The following KBTBD11 variants were observed in gnomAD, a reference collection of about 807,000 sequenced individuals.
KBTBD11 encodes the protein kelch repeat and BTB domain-containing protein 11.
For missense variants in KBTBD11, 1,390 were observed against 1,001.8 expected (o/e 1.39, Z -5.23); for synonymous variants, 747 against 499.0 (o/e 1.50, Z -6.63).
chr8:1,984,963 G>A (rs979374372), intron 1 of KBTBD11, among the ~76,000 whole-genome samples: 1 of 152,194 alleles, frequency 6.6e-6, no homozygotes, highest in Non-Finnish European at 1.5e-5. Context: ...GCGATTACAA[G>A]GTCATGTGCT....
intron 1 of KBTBD11, among the ~76,000 whole-genome samples, 188 bp downstream of exon 1, chr8:1,974,123 C>CGGAGGGGAGG (rs1816228913): frequency 4.2e-4 from 1 of 2,398 alleles, no homozygotes; most frequent in Non-Finnish European, 7.5e-4. Flanking sequence ...GGGAGGGGAG[C>CGGAGGGGAGG]GGAGCGGAGG....
chr8:1,991,615 C>G (rs1347359982), intron 1 of KBTBD11, among the ~76,000 whole-genome samples: 1 of 151,400 alleles, frequency 6.6e-6, no homozygotes, highest in East Asian at 1.9e-4. Flanking sequence ...AGGCTTTGCT[C>G]TCCCCACACC....
At position 2,001,860 on chromosome 8, in the gene KBTBD11, C is replaced by G. The variant is rs754629118; in HGVS notation, c.668C>G (p.Ala223Gly). The G allele has an allele frequency of 7.7e-7, 1 of 1,295,832 alleles. No individual in the cohort carries two copies. The highest frequency in any genetic ancestry group is 1.8e-5 in the South Asian group (1 of 56,424). 80.3% of individuals were successfully genotyped at this position (1,295,832 alleles called of 1,614,324 possible). A position where few individuals can be genotyped will look rare whatever the true frequency, so the allele number is the denominator to read the frequency against. ...CAGCTGCCCGGCGCCGCGCAGCGCG[C>G]CACCGACGCCGTGGGGCCGCAGCTG... is the stretch of plus-strand genomic sequence containing the variant. ...RLQLPGAAQR[A>G]TDAVGPQLSL... The change falls in exon 2 of 2, where the codon GCC becomes GGC. Residue 223 changes from alanine to glycine, a missense_variant. Physicochemically the swap from Ala to Gly is moderately conservative, Grantham distance 60. Coordinates refer to ENST00000320248, the MANE Select transcript of KBTBD11 (RefSeq NM_014867.3).
In KBTBD11 at chr8:2,003,890, A is replaced by G. The variant is rs367793756; in HGVS notation, c.*826A>G. 21 of 167,092 alleles carry G rather than the reference A, an allele frequency of 1.3e-4. No homozygotes were observed. Among genetic ancestry groups the G allele is most frequent in the African/African-American group, 4.6e-4 (19 of 41,592 alleles). The allele number at this position is 167,092 out of a possible 1,614,324, so 10.4% of individuals were successfully genotyped here. ...GAAAAACTTACCAGGGTGCTTGTCT[A>G]TCTAAAAAGCAATCTTTGATAGTCC... On this transcript the variant is annotated 3_prime_UTR_variant, in exon 2 of 2. Coordinates refer to ENST00000320248, the MANE Select transcript of KBTBD11 (RefSeq NM_014867.3).
chr8:1,979,899 C>T (rs747308608), intron 1 of KBTBD11, among the ~76,000 whole-genome samples: 6 of 152,208 alleles, frequency 3.9e-5, no homozygotes, highest in Non-Finnish European at 8.8e-5. Flanking sequence ...TTTGGGGAGT[C>T]CCTCTTCCTT....
At chr8:1,984,608 A>T (rs1160851622) in intron 1 of KBTBD11, among the ~76,000 whole-genome samples, 1 of 151,942 alleles carries the variant, frequency 6.6e-6, no homozygotes. Flanking sequence ...AAAATGTTTA[A>T]AAATGAATGA....
chr8:1,986,215 T>C (rs1277810648), intron 1 of KBTBD11, among the ~76,000 whole-genome samples: 1 of 152,204 alleles, frequency 6.6e-6, no homozygotes, highest in Non-Finnish European at 1.5e-5. Context: ...CAGCCAATGG[T>C]CATTGTTCCC....
In KBTBD11 at chr8:2,000,694, C is replaced by G. The variant is rs551801498; in HGVS notation, c.-499C>G. On this transcript the variant is annotated 5_prime_UTR_variant, in exon 2 of 2. Transcript: ENST00000320248. ...TGAAGTGAGTGGGTGAGCACGGACTCCTGAGAGCGAGGGCGCACCCAATAC... is the reference window on the plus strand; with the variant it reads ...TGAAGTGAGTGGGTGAGCACGGACTGCTGAGAGCGAGGGCGCACCCAATAC... The G allele has an allele frequency of 6.4e-6, 1 of 156,126 alleles. No individual in the cohort carries two copies. Among genetic ancestry groups the G allele is most frequent in the Non-Finnish European group, 1.4e-5 (1 of 70,874 alleles). The allele number at this position is 156,126 out of a possible 1,614,324, so 9.7% of individuals were successfully genotyped here.
chr8:1,974,321 C>G, intron 1 of KBTBD11: 1 of 984,634 alleles, frequency 1.0e-6, no homozygotes, highest in Non-Finnish European at 1.2e-6. Context: ...GCCCGCGCCG[C>G]GCCCGCAGTC....
At chr8:1,982,614 A>G (rs537296001) in intron 1 of KBTBD11, among the ~76,000 whole-genome samples, 56 of 152,346 alleles carry the variant, frequency 3.7e-4, no homozygotes, top group Non-Finnish European at 6.5e-4. Flanking sequence ...CTATGCTTAT[A>G]TAAGATAAAA....
intron 1 of KBTBD11, among the ~76,000 whole-genome samples, chr8:1,998,895 C>A (rs1236362887): frequency 6.6e-6 from 1 of 152,196 alleles, no homozygotes; most frequent in East Asian, 1.9e-4. Flanking sequence ...CATTGTGGTC[C>A]TTTCCCCGGC....
chr8:1,996,941 C>A (rs978676373), intron 1 of KBTBD11, among the ~76,000 whole-genome samples: 1 of 151,646 alleles, frequency 6.6e-6, no homozygotes, highest in Non-Finnish European at 1.5e-5. Context: ...TTTAATTAGC[C>A]CTTGTTCTTA....
At position 1,991,531 on chromosome 8, in the gene KBTBD11, T is replaced by TG. The variant is rs1816916212; in HGVS notation, c.-908-8754_-908-8753insG. 2.2e-3 allele frequency among the ~76,000 whole-genome samples: 337 copies of TG among 152,318 alleles called. 4 individuals are homozygous for TG. The highest frequency in any genetic ancestry group is 7.7e-3 in the African/African-American group (318 of 41,568). ...TCTGCTGGAGATAATGAGCTTTCCC[T>TG]CGATTCCAGCTCTGTGATCCATGAG... On this transcript the variant is annotated intron_variant, in intron 1 of 1. Transcript: ENST00000320248.
intron 1 of KBTBD11, among the ~76,000 whole-genome samples, chr8:1,997,021 G>A (rs905338363): frequency 6.6e-6 from 1 of 152,130 alleles, no homozygotes; most frequent in African/African-American, 2.4e-5. Context: ...CGCCCCCCGT[G>A]CCTTCCATGG....
Position 2,002,935 on chromosome 8 carries a change from CGGCGGCGACGCAGGCCAG to C in KBTBD11, c.1751_1768del (p.Asp584_Gly589del). On this transcript the variant is annotated inframe_deletion, in exon 2 of 2. Transcript: ENST00000320248. The surrounding 1 kb of genome is among the most constrained non-coding windows in gnomAD (Gnocchi z 4.1). ...TCCAGCCTGCCCGGGAAGGCGAGGC[CGGCGGCGACGCAGGCCAG>C]GGCGGCGGCTTCGAGGCGCTGGGCG... is the stretch of plus-strand genomic sequence containing the variant. 1.5e-6 allele frequency: 2 copies of C among 1,321,910 alleles called. No homozygotes were observed. The highest frequency in any genetic ancestry group is 1.9e-6 in the Non-Finnish European group (2 of 1,038,604). 81.9% of individuals were successfully genotyped at this position (1,321,910 alleles called of 1,614,324 possible). A position where few individuals can be genotyped will look rare whatever the true frequency, so the allele number is the denominator to read the frequency against.
intron 1 of KBTBD11, among the ~76,000 whole-genome samples, chr8:1,995,365 T>C (rs1554527736): frequency 6.6e-6 from 1 of 152,184 alleles, no homozygotes; most frequent in Non-Finnish European, 1.5e-5. Context: ...AGAACCTTGC[T>C]TTTAGTAGCC....
intron 1 of KBTBD11, among the ~76,000 whole-genome samples, chr8:1,978,854 G>T (rs1423141145): frequency 6.6e-6 from 1 of 152,156 alleles, no homozygotes; most frequent in African/African-American, 2.4e-5. Flanking sequence ...ATCAAGACTT[G>T]GGCTCCAGGA....
chr8:2,004,156 GCTT>G lies in KBTBD11; in HGVS notation c.*1093_*1095del, dbSNP rs1817501490. On this transcript the variant is annotated 3_prime_UTR_variant, in exon 2 of 2. Coordinates refer to ENST00000320248, the MANE Select transcript of KBTBD11 (RefSeq NM_014867.3). ...TAGATTTATAACAAGGAAGTGACGTGCTTATCACCATAGATTTGCAAGTAAACT... is the reference window on the plus strand; with the variant it reads ...TAGATTTATAACAAGGAAGTGACGTGATCACCATAGATTTGCAAGTAAACT... The G allele has an allele frequency of 6.0e-6, 1 of 166,950 alleles. No individual in the cohort carries two copies. The highest frequency in any genetic ancestry group is 6.5e-5 in the Admixed American group (1 of 15,282). The allele number at this position is 166,950 out of a possible 1,614,324, so 10.3% of individuals were successfully genotyped here. A position where few individuals can be genotyped will look rare whatever the true frequency, so the allele number is the denominator to read the frequency against.
Position 2,002,388 on chromosome 8 carries a change from G to C in KBTBD11, c.1196G>C (p.Arg399Pro), listed in dbSNP as rs768211399. ...TDSWSAVRPL[R>P]QARSQLRLLA... is the part of the protein sequence containing the mutation. ...AGCTGGAGCGCCGTGAGGCCCCTGC[G>C]CCAGGCGCGCTCGCAGCTGCGGCTG... Residue 399 changes from arginine (R) to proline (P), a missense_variant, in exon 2 of 2, where the codon CGC (arginine) becomes CCC (proline). Arg to Pro is a moderately radical substitution (Grantham distance 103). Transcript: ENST00000320248. This position sits in a 1 kb window ranked among gnomAD's most constrained non-coding sequence, Gnocchi z 4.1. 6.8e-7 allele frequency: 1 copy of C among 1,479,574 alleles called. No homozygotes were observed. The allele number at this position is 1,479,574 out of a possible 1,614,324, so 91.7% of individuals were successfully genotyped here. A position where few individuals can be genotyped will look rare whatever the true frequency, so the allele number is the denominator to read the frequency against.
Sources: allele counts gnomAD v4.1 joint callset (sites outside exome capture counted in the v4.1 genomes callset), GRCh38; gene constraint gnomAD v4.1.1; non-coding constraint Gnocchi (gnomAD v3.1); transcripts MANE v1.5; gene names NCBI Gene and HGNC (gene_info 2026-07-23, HGNC 2026-07-21).